Variants in ST14 observed in about 807,000 individuals in gnomAD.
ST14 encodes suppressor of tumorigenicity 14 protein.
In ST14, 40 loss-of-function variants were observed where a neutral mutation model predicts 96.5. The observed-to-expected ratio is 0.41, with a 90% CI of 0.32 to 0.54. The LOEUF is 0.54. Ranked by LOEUF, ST14 falls within the 20% of genes least tolerant of loss-of-function variation. The pLI is 0.17. For missense variants in ST14, 1,066 were observed against 1,188.9 expected, an observed-to-expected ratio of 0.90 and a Z score of 1.52; for synonymous variants, 506 against 492.1, an observed-to-expected ratio of 1.03 and a Z score of -0.37.
At position 130,160,010 on chromosome 11, in the gene ST14, G is replaced by T. The variant is rs1952986672; in HGVS notation, c.31G>T (p.Gly11Trp). Residue 11 changes from glycine (G) to tryptophan (W), a missense_variant, in exon 1 of 19, where the codon GGG (glycine) becomes TGG (tryptophan). Physicochemically the swap from Gly to Trp is radical, Grantham distance 184. Transcript: ENST00000278742. The stretch of plus-strand genomic sequence containing the variant: ...GAGCGATCGGGCCCGCAAGGGCGGA[G>T]GGGGCCCGAAGGACTTCGGCGCGGG... MGSDRARKGG[G>W]GPKDFGAGLK... 4.2e-6 allele frequency: 6 copies of T among 1,425,508 alleles called. No homozygotes were observed. Among genetic ancestry groups the T allele is most frequent in the South Asian group, 1.5e-5 (1 of 68,270 alleles). The allele number at this position is 1,425,508 out of a possible 1,614,324, so 88.3% of individuals were successfully genotyped here. A position where few individuals can be genotyped will look rare whatever the true frequency, so the allele number is the denominator to read the frequency against.
In ST14 at chr11:130,181,397, A is replaced by G. The variant is rs1186553333; in HGVS notation, c.82-6717A>G. ...GGCCAGGATCTAACTACAGTGGGCC[A>G]GCAGGAAGAGGCTGTGATATTTACA... On this transcript the variant is annotated intron_variant, in intron 1 of 18. Coordinates refer to ENST00000278742, the MANE Select transcript of ST14 (RefSeq NM_021978.4). This position sits in a 1 kb window ranked among gnomAD's most constrained non-coding sequence, Gnocchi z 4.1. Among the ~76,000 whole-genome samples the G allele has an allele frequency of 1.3e-5, 2 of 152,220 alleles. No homozygotes were observed. The highest frequency in any genetic ancestry group is 2.4e-5 in the African/African-American group (1 of 41,452).
At chr11:130,180,871 G>A (rs745553670) in intron 1 of ST14, among the ~76,000 whole-genome samples, 22 of 152,192 alleles carry the variant, frequency 1.4e-4, no homozygotes, top group Non-Finnish European at 2.6e-4. Flanking sequence ...CCTTGGGGAG[G>A]ATATGCATCA....
intron 17 of ST14, 140 bp downstream of exon 17, chr11:130,208,824 G>A: frequency 8.7e-7 from 1 of 1,144,254 alleles, no homozygotes; most frequent in Non-Finnish European, 1.2e-6. Context: ...GTCCAGGGCG[G>A]AATGGAGGCC....
At position 130,187,398 on chromosome 11, in the gene ST14, G is replaced by A. The variant is rs575278875; in HGVS notation, c.82-716G>A. Reference sequence around the variant, plus strand: ...GAAGTTGCCATCCTGTCTTTTGGGCGTTTGGTTTGCTTGCTTTTCCCTCTG... The same window carrying A: ...GAAGTTGCCATCCTGTCTTTTGGGCATTTGGTTTGCTTGCTTTTCCCTCTG... On this transcript the variant is annotated intron_variant, in intron 1 of 18. Coordinates refer to ENST00000278742, the MANE Select transcript of ST14 (RefSeq NM_021978.4). The surrounding 1 kb of genome is among the most constrained non-coding windows in gnomAD (Gnocchi z 4.5). 5.9e-5 allele frequency among the ~76,000 whole-genome samples: 9 copies of A among 152,298 alleles called. No individual in the cohort carries two copies. The highest frequency in any genetic ancestry group is 4.1e-4 in the South Asian group (2 of 4,830).
intron 16 of ST14, among the ~76,000 whole-genome samples, chr11:130,200,441 A>G (rs1026583300): frequency 6.6e-6 from 1 of 152,182 alleles, no homozygotes; most frequent in Non-Finnish European, 1.5e-5. Flanking sequence ...CATGGCGAGA[A>G]CAGGAGCAAG....
chr11:130,173,884 G>T (rs1291973466), intron 1 of ST14, among the ~76,000 whole-genome samples: 1 of 152,178 alleles, frequency 6.6e-6, no homozygotes, highest in Non-Finnish European at 1.5e-5. Flanking sequence ...CCCATGGGTG[G>T]TTTACCCCAC....
At position 130,194,152 on chromosome 11, in the gene ST14, G is replaced by A; in HGVS notation, c.879G>A (p.Leu293=). 5 of 1,614,182 alleles carry A rather than the reference G, an allele frequency of 3.1e-6. No individual in the cohort carries two copies. The East Asian group carries it at 1.1e-4, about 36-fold the overall frequency. ...SPMEPHALVQ[L]CGTYPPSYNL... ...TGCCCGCCCTCTGCCCCCACAGGTT[G>A]TGTGGCACCTACCCTCCCTCCTACA... Residue 293 remains leucine (L), a synonymous_variant, in exon 8 of 19, where the codon TTG becomes TTA. Transcript: ENST00000278742.
intron 16 of ST14, among the ~76,000 whole-genome samples, chr11:130,207,424 G>T (rs1032748504): frequency 1.3e-5 from 2 of 152,236 alleles, no homozygotes; most frequent in Non-Finnish European, 2.9e-5. Context: ...GGCTGCACAT[G>T]CCTGTAGTCC....
At chr11:130,183,839 T>C (rs973299171) in intron 1 of ST14, among the ~76,000 whole-genome samples, 1 of 152,232 alleles carries the variant, frequency 6.6e-6, no homozygotes, top group Admixed American at 6.5e-5. Context: ...GGAGTGTTTC[T>C]AGCAGCTCTG....
chr11:130,208,465 C>T lies in ST14; in HGVS notation c.2050C>T (p.Arg684Cys). 6.2e-7 allele frequency: 1 copy of T among 1,614,190 alleles called. No individual in the cohort carries two copies. Among genetic ancestry groups the T allele is most frequent in the African/African-American group, 1.3e-5 (1 of 75,086 alleles). ...AFLGLHDQSQRSAPGVQERRL... is the reference protein window; with the variant it reads ...AFLGLHDQSQCSAPGVQERRL... The stretch of plus-strand genomic sequence containing the variant: ...CCTGGGCTTGCACGACCAGAGCCAG[C>T]GCAGCGCCCCTGGGGTGCAGGAGCG... Residue 684 changes from arginine to cysteine, a missense_variant, in exon 17 of 19, where the codon CGC becomes TGC. Physicochemically the swap from Arg to Cys is radical, Grantham distance 180 (BLOSUM62 -3). Coordinates refer to ENST00000278742, the MANE Select transcript of ST14 (RefSeq NM_021978.4).
At chr11:130,186,036 G>C (rs902830782) in intron 1 of ST14, among the ~76,000 whole-genome samples, 17 of 152,124 alleles carry the variant, frequency 1.1e-4, no homozygotes, top group African/African-American at 4.1e-4. Context: ...TCGAACTCCC[G>C]ACCTCAGATG....
intron 16 of ST14, among the ~76,000 whole-genome samples, chr11:130,203,360 G>T (rs1953451462): frequency 6.6e-6 from 1 of 152,148 alleles, no homozygotes; most frequent in South Asian, 2.1e-4. Flanking sequence ...CCACCACCTT[G>T]CTCGTCCTAG....
Position 130,183,008 on chromosome 11 carries a change from G to A in ST14, c.82-5106G>A, listed in dbSNP as rs554786289. Among the ~76,000 whole-genome samples, 23 of 151,330 alleles carry A rather than the reference G, an allele frequency of 1.5e-4. No individual in the cohort carries two copies. In the South Asian group the frequency reaches 3.8e-3, roughly 25 times the overall value. On this transcript the variant is annotated intron_variant, in intron 1 of 18. Coordinates refer to ENST00000278742, the MANE Select transcript of ST14 (RefSeq NM_021978.4). The stretch of plus-strand genomic sequence containing the variant: ...TTTCGCTCTTGTTGCCCAGGCTGGA[G>A]TGTAATGGCACGATTTTGGCTCACC...
At chr11:130,205,710 T>G (rs534748701) in intron 16 of ST14, among the ~76,000 whole-genome samples, 2,912 of 109,280 alleles carry the variant, frequency 0.027, 81 homozygotes, top group Middle Eastern at 0.043. Flanking sequence ...TTTTTTTTTT[T>G]GTTTTTTTTT....
At chr11:130,170,104 T>A (rs1591877591) in intron 1 of ST14, among the ~76,000 whole-genome samples, 1 of 152,036 alleles carries the variant, frequency 6.6e-6, no homozygotes, top group East Asian at 1.9e-4. Flanking sequence ...TGTGTGTGTT[T>A]TGGGGGCGAC....
chr11:130,198,839 G>C, intron 14 of ST14, 108 bp from the exon 15 acceptor site: 2 of 1,604,182 alleles, frequency 1.2e-6, no homozygotes, highest in Non-Finnish European at 8.5e-7. Flanking sequence ...GGCAGGCCTG[G>C]GTGAGGGGGT....
intron 11 of ST14, chr11:130,196,942 C>G: frequency 1.7e-6 from 1 of 593,702 alleles, no homozygotes; most frequent in Non-Finnish European, 3.0e-6. Flanking sequence ...CATGAGGTAC[C>G]TGCGGCTGGA....
chr11:130,191,669 A>G lies in ST14; in HGVS notation c.875+975A>G, dbSNP rs528553291. On this transcript the variant is annotated intron_variant, in intron 7 of 18. Coordinates refer to ENST00000278742, the MANE Select transcript of ST14 (RefSeq NM_021978.4). ...CGTACCACTACACTCCAGCCTGGGCAACAGAGCGAGACTCTGTCTCAAAAA... is the reference window on the plus strand; with the variant it reads ...CGTACCACTACACTCCAGCCTGGGCGACAGAGCGAGACTCTGTCTCAAAAA... Among the ~76,000 whole-genome samples the G allele has an allele frequency of 9.3e-5, 13 of 139,884 alleles. No individual in the cohort carries two copies. In the East Asian group the frequency reaches 1.3e-3, roughly 14 times the overall value. 91.8% of individuals were successfully genotyped at this position (139,884 alleles called of 152,430 possible). A position where few individuals can be genotyped will look rare whatever the true frequency, so the allele number is the denominator to read the frequency against.
intron 16 of ST14, among the ~76,000 whole-genome samples, chr11:130,202,327 G>T (rs1183762412): frequency 6.6e-6 from 1 of 152,318 alleles, no homozygotes; most frequent in East Asian, 1.9e-4. Flanking sequence ...AGACCAACAT[G>T]AATAGGACTT....
Sources: allele counts gnomAD v4.1 joint callset (sites outside exome capture counted in the v4.1 genomes callset), GRCh38; gene constraint gnomAD v4.1.1; non-coding constraint Gnocchi (gnomAD v3.1); transcripts MANE v1.5; gene names NCBI Gene and HGNC (gene_info 2026-07-23, HGNC 2026-07-21).